C12orf42: variants seen among roughly 807,000 people sequenced by gnomAD.
C12orf42 encodes chromosome 12 open reading frame 42, also known as uncharacterized protein C12orf42.
A neutral mutation model predicts 21.6 loss-of-function variants in C12orf42; 25 were observed. The ratio of observed to expected loss-of-function variants is 1.16; its 90% CI spans 0.84 to 1.62. The LOEUF (loss-of-function observed/expected upper bound fraction) is 1.62. C12orf42 is among the 40% of genes most tolerant of loss of function. C12orf42 has a pLI of 0.00. For synonymous variants in C12orf42, 174 were observed against 175.0 expected (o/e 0.99, Z 0.05); for missense variants, 483 against 459.3 (o/e 1.05, Z -0.47).
At chr12:103,412,394 C>T (rs185959729) in intron 2 of C12orf42, among the ~76,000 whole-genome samples, 59 of 152,288 alleles carry the variant, frequency 3.9e-4, no homozygotes, top group Admixed American at 1.8e-3. Context: ...GACAGCTGGG[C>T]GCAGTAGCTC....
At chr12:103,144,315 A>G in the C12orf42 span, among the ~76,000 whole-genome samples, 2 of 152,216 alleles carry the variant, frequency 1.3e-5, no homozygotes, top group Non-Finnish European at 2.9e-5. Flanking sequence ...AGATGAGGAG[A>G]AAAAAGGTAA....
At chr12:103,135,974 A>C in the C12orf42 span, among the ~76,000 whole-genome samples, 1 of 152,200 alleles carries the variant, frequency 6.6e-6, no homozygotes, top group Non-Finnish European at 1.5e-5. Flanking sequence ...AAATACTGAA[A>C]GTCTTTCCTC....
At chr12:103,444,453 T>G (rs1404716436) in intron 2 of C12orf42, among the ~76,000 whole-genome samples, 2 of 152,156 alleles carry the variant, frequency 1.3e-5, no homozygotes, top group Admixed American at 1.3e-4. Context: ...CTTTTTGAAA[T>G]GCATTAAAAT....
intron 2 of C12orf42, among the ~76,000 whole-genome samples, chr12:103,418,335 C>G (rs1407765686): frequency 6.6e-6 from 1 of 152,106 alleles, no homozygotes; most frequent in African/African-American, 2.4e-5. Context: ...ATACGGCCTA[C>G]TCTTATCTAA....
chr12:103,492,613 A>T (rs1305521524), intron 1 of C12orf42, among the ~76,000 whole-genome samples: 1 of 152,124 alleles, frequency 6.6e-6, no homozygotes, highest in African/African-American at 2.4e-5. Flanking sequence ...CCTGATGCAA[A>T]CTGCCAGATT....
rs922782447 is a variant in C12orf42, at chr12:103,495,921, A to T, written c.-41T>A. ...GTCTACCTGGAGCTGCAGGGTCCCT[A>T]TCCCGGGGCGCCGCCCGCAGCCTCC... On this transcript the variant is annotated 5_prime_UTR_variant, in exon 1 of 6. Coordinates refer to ENST00000548883, the MANE Select transcript of C12orf42 (RefSeq NM_198521.5). 6.6e-6 allele frequency: 1 copy of T among 152,236 alleles called. No individual in the cohort carries two copies. The highest frequency in any genetic ancestry group is 1.5e-5 in the Non-Finnish European group (1 of 68,182). 9.4% of individuals were successfully genotyped at this position (152,236 alleles called of 1,614,324 possible). A position where few individuals can be genotyped will look rare whatever the true frequency, so the allele number is the denominator to read the frequency against.
chr12:103,166,857 T>C, the C12orf42 span, among the ~76,000 whole-genome samples: 1 of 152,182 alleles, frequency 6.6e-6, no homozygotes, highest in African/African-American at 2.4e-5. Context: ...TGTTCTGCAA[T>C]ACAAATAGCT....
the C12orf42 span, among the ~76,000 whole-genome samples, chr12:103,533,816 C>A: frequency 1.3e-5 from 2 of 152,116 alleles, no homozygotes; most frequent in East Asian, 3.8e-4. Context: ...TAAATGATAA[C>A]CTTTCAACGA....
At chr12:103,091,676 T>C in the C12orf42 span, among the ~76,000 whole-genome samples, 1 of 152,218 alleles carries the variant, frequency 6.6e-6, no homozygotes, top group Non-Finnish European at 1.5e-5. Context: ...TATTTATGCA[T>C]CAGTTACCTA....
chr12:103,477,592 G>A (rs1055536995), intron 2 of C12orf42, among the ~76,000 whole-genome samples: 3 of 152,110 alleles, frequency 2.0e-5, no homozygotes, highest in Non-Finnish European at 4.4e-5. Flanking sequence ...TGGTTGAAGA[G>A]GGAGGCAGAA....
intron 4 of C12orf42, among the ~76,000 whole-genome samples, chr12:103,293,921 T>C (rs534414401): frequency 4.9e-4 from 75 of 152,310 alleles, no homozygotes; most frequent in African/African-American, 1.7e-3. Flanking sequence ...CTAAATATCA[T>C]TGTGTCATTA....
chr12:103,106,645 T>C, the C12orf42 span, among the ~76,000 whole-genome samples: 10 of 151,620 alleles, frequency 6.6e-5, no homozygotes, highest in Non-Finnish European at 1.5e-4. Context: ...GAAAATAATA[T>C]ATATGACATC....
chr12:103,282,907 A>G (rs1936271510), intron 4 of C12orf42, among the ~76,000 whole-genome samples: 1 of 152,172 alleles, frequency 6.6e-6, no homozygotes. Context: ...AGAACTACCC[A>G]AGGTCTGGAG....
At chr12:103,148,253 A>C in the C12orf42 span, among the ~76,000 whole-genome samples, 1 of 152,136 alleles carries the variant, frequency 6.6e-6, no homozygotes, top group South Asian at 2.1e-4. Flanking sequence ...AAAAGGCCTT[A>C]CTAATTAATA....
chr12:103,236,731 G>A (rs947667568), downstream of C12orf42, among the ~76,000 whole-genome samples: 1 of 152,068 alleles, frequency 6.6e-6, no homozygotes, highest in Non-Finnish European at 1.5e-5. Flanking sequence ...AAAAAGTAAA[G>A]TGGTCCATTA....
chr12:103,441,123 C>T (rs978301586), intron 2 of C12orf42, among the ~76,000 whole-genome samples: 4 of 152,098 alleles, frequency 2.6e-5, no homozygotes, highest in Non-Finnish European at 5.9e-5. Flanking sequence ...ATATTGTTTC[C>T]TCCCTAGTTG....
the C12orf42 span, among the ~76,000 whole-genome samples, chr12:103,513,630 A>T: frequency 0.42 from 63,745 of 152,056 alleles, 14,901 homozygotes; most frequent in East Asian, 0.69. Context: ...TTATAATCCA[A>T]CTCTGGACCT....
At chr12:103,237,720 G>C (rs2033516928) in exon 11 of C12orf42, 1 of 152,210 alleles carries the variant, frequency 6.6e-6, no homozygotes, top group Admixed American at 6.5e-5. Flanking sequence ...TGCAGTTACT[G>C]GGGTGCCTTG....
At chr12:103,522,701 TC>T in the C12orf42 span, among the ~76,000 whole-genome samples, 1 of 152,200 alleles carries the variant, frequency 6.6e-6, no homozygotes, top group Admixed American at 6.5e-5. Flanking sequence ...AGGATTGTGT[TC>T]CTATTGCCCT....
Sources: allele counts gnomAD v4.1 joint callset (sites outside exome capture counted in the v4.1 genomes callset), GRCh38; gene constraint gnomAD v4.1.1; transcripts MANE v1.5; gene names NCBI Gene and HGNC (gene_info 2026-07-23, HGNC 2026-07-21).